The following PARD3B variants were observed in gnomAD, a reference collection of about 807,000 sequenced individuals.
The protein encoded by PARD3B is partitioning defective 3 homolog B.
In PARD3B, 103 loss-of-function variants were observed where a neutral mutation model predicts 130.2. The observed-to-expected ratio is 0.79, with a 90% CI of 0.67 to 0.93. The LOEUF (loss-of-function observed/expected upper bound fraction) is 0.93. Ranked by LOEUF, PARD3B falls within the 40% of genes least tolerant of loss-of-function variation. The probability of loss-of-function intolerance (pLI) is 0.00; values close to 1 mark genes in which losing one functional copy is unlikely to be tolerated. For synonymous variants in PARD3B, 583 were observed against 553.2 expected, an observed-to-expected ratio of 1.05 and a Z score of -0.76; for missense variants, 1,609 against 1,499.2, an observed-to-expected ratio of 1.07 and a Z score of -1.21.
intron 18 of PARD3B, among the ~76,000 whole-genome samples, chr2:205,385,156 C>T (rs1264652484): frequency 1.3e-5 from 2 of 151,934 alleles, no homozygotes; most frequent in Non-Finnish European, 2.9e-5. Context: ...CAGGAATCCA[C>T]AAAGCTTTGT....
chr2:204,844,828 T>C (rs1383045729), intron 2 of PARD3B, among the ~76,000 whole-genome samples: 2 of 152,164 alleles, frequency 1.3e-5, no homozygotes, highest in Non-Finnish European at 2.9e-5. Context: ...TTTGAAAATG[T>C]ATTAATAACT....
At chr2:204,861,346 T>A (rs2045196036) in intron 2 of PARD3B, among the ~76,000 whole-genome samples, 1 of 152,180 alleles carries the variant, frequency 6.6e-6, no homozygotes, top group Non-Finnish European at 1.5e-5. Context: ...TAATTTAACA[T>A]ATCAAGAATG....
rs940176745 is a variant in PARD3B, at chr2:205,590,779, C to G, written c.3261-24677C>G. Among the ~76,000 whole-genome samples, 1 of 152,160 alleles carries G rather than the reference C, an allele frequency of 6.6e-6. No individual in the cohort carries two copies. ...AGTAGAAGCTGTTGCCACATATTCACAAGAAGTAGGATGAGTACCAAATCC... is the reference window on the plus strand; with the variant it reads ...AGTAGAAGCTGTTGCCACATATTCAGAAGAAGTAGGATGAGTACCAAATCC... On this transcript the variant is annotated intron_variant, in intron 22 of 22. Coordinates refer to ENST00000406610, the MANE Select transcript of PARD3B (RefSeq NM_001302769.2). The surrounding 1 kb of genome is among the most constrained non-coding windows in gnomAD (Gnocchi z 4.1).
At chr2:205,260,027 G>A (rs1014962020) in intron 16 of PARD3B, among the ~76,000 whole-genome samples, 3 of 152,092 alleles carry the variant, frequency 2.0e-5, no homozygotes, top group Admixed American at 6.6e-5. Flanking sequence ...GAAAGCAAAG[G>A]TGTCACTATC....
At chr2:205,373,258 G>A (rs1351871366) in intron 18 of PARD3B, among the ~76,000 whole-genome samples, 1 of 152,140 alleles carries the variant, frequency 6.6e-6, no homozygotes, top group East Asian at 1.9e-4. Flanking sequence ...CATTTCAGAA[G>A]CAAGGAAAGG....
At chr2:205,413,049 A>C (rs763981681) in intron 19 of PARD3B, among the ~76,000 whole-genome samples, 2 of 152,232 alleles carry the variant, frequency 1.3e-5, no homozygotes, top group Non-Finnish European at 2.9e-5. Flanking sequence ...CTTTCTTTGA[A>C]AGAGAATGAA....
intron 2 of PARD3B, among the ~76,000 whole-genome samples, chr2:204,746,632 T>C (rs2040241758): frequency 6.6e-6 from 1 of 152,172 alleles, no homozygotes; most frequent in African/African-American, 2.4e-5. Context: ...CCACATCCTC[T>C]CCAGCACCTG....
chr2:205,153,906 T>C (rs2033933038), intron 10 of PARD3B, among the ~76,000 whole-genome samples: 1 of 152,184 alleles, frequency 6.6e-6, no homozygotes, highest in Non-Finnish European at 1.5e-5. Context: ...CAAGATGGAT[T>C]AAAGACTTAA....
chr2:205,090,938 G>A (rs560042806), intron 4 of PARD3B, among the ~76,000 whole-genome samples: 1 of 152,296 alleles, frequency 6.6e-6, no homozygotes, highest in Non-Finnish European at 1.5e-5. Context: ...CATTGCATAG[G>A]ATTTTGGCCC....
chr2:205,050,377 T>G (rs1308601061), intron 4 of PARD3B, among the ~76,000 whole-genome samples: 1 of 151,782 alleles, frequency 6.6e-6, no homozygotes, highest in East Asian at 1.9e-4. Context: ...GGTGTGTTTA[T>G]TTTTACTAGA....
rs544918389 is a variant in PARD3B, at chr2:205,215,277, T to C, written c.2140+21957T>C. On this transcript the variant is annotated intron_variant, in intron 15 of 22. Coordinates refer to ENST00000406610, the MANE Select transcript of PARD3B (RefSeq NM_001302769.2). ...AAGAGTTCACTTTGGATTACATTGT[T>C]CTTTTTTTTTTTTAATTCAGCAACA... Among the ~76,000 whole-genome samples, 5 of 151,874 alleles carry C rather than the reference T, an allele frequency of 3.3e-5. No individual in the cohort carries two copies. The East Asian group carries it at 9.7e-4, about 29-fold the overall frequency.
chr2:204,746,739 G>A (rs917330369), intron 2 of PARD3B, among the ~76,000 whole-genome samples: 2 of 152,108 alleles, frequency 1.3e-5, no homozygotes, highest in African/African-American at 4.8e-5. Context: ...CAGTGATGAC[G>A]AGCGTTTTTT....
intron 1 of PARD3B, among the ~76,000 whole-genome samples, chr2:204,556,723 C>T (rs1316906334): frequency 2.0e-5 from 3 of 152,002 alleles, no homozygotes; most frequent in South Asian, 2.1e-4. Context: ...CATTTTGTTA[C>T]GAATATACTC....
chr2:205,125,561 G>A lies in PARD3B; in HGVS notation c.1306-48G>A. 6.3e-7 allele frequency: 1 copy of A among 1,595,584 alleles called. No individual in the cohort carries two copies. Among genetic ancestry groups the A allele is most frequent in the South Asian group, 1.1e-5 (1 of 89,082 alleles). On this transcript the variant is annotated intron_variant, in intron 9 of 22. Coordinates refer to ENST00000406610, the MANE Select transcript of PARD3B (RefSeq NM_001302769.2). This position sits in a 1 kb window ranked among gnomAD's most constrained non-coding sequence, Gnocchi z 4.0. ...TCAAAAACTATCTAGTGTAGAAGGA[G>A]ATAACAAGTATTGTGATTGTGGCTG...
intron 3 of PARD3B, among the ~76,000 whole-genome samples, chr2:204,982,505 T>G (rs1316478297): frequency 1.3e-5 from 2 of 152,204 alleles, no homozygotes; most frequent in Non-Finnish European, 2.9e-5. Flanking sequence ...CAGTTCACAC[T>G]GATTCTGATA....
intron 4 of PARD3B, among the ~76,000 whole-genome samples, chr2:205,053,016 G>T (rs1699340544): frequency 6.6e-6 from 1 of 152,038 alleles, no homozygotes; most frequent in South Asian, 2.1e-4. Context: ...TGGGGCTTTT[G>T]GTATGTTATC....
chr2:204,637,242 A>G (rs985454244), intron 1 of PARD3B, among the ~76,000 whole-genome samples: 2 of 152,162 alleles, frequency 1.3e-5, no homozygotes, highest in Non-Finnish European at 2.9e-5. Flanking sequence ...AAAATTTAAT[A>G]TTTTATACTC....
intron 3 of PARD3B, among the ~76,000 whole-genome samples, chr2:205,042,443 C>T (rs1207227878): frequency 6.6e-6 from 1 of 152,076 alleles, no homozygotes; most frequent in Non-Finnish European, 1.5e-5. Context: ...TGGTATAAGT[C>T]CTGAATGTCA....
intron 14 of PARD3B, among the ~76,000 whole-genome samples, chr2:205,192,717 A>G (rs1055005798): frequency 2.0e-5 from 3 of 152,210 alleles, no homozygotes; most frequent in Non-Finnish European, 4.4e-5. Flanking sequence ...AAAAAGACCT[A>G]AATAAAGTAG....
Sources: allele counts gnomAD v4.1 joint callset (sites outside exome capture counted in the v4.1 genomes callset), GRCh38; gene constraint gnomAD v4.1.1; non-coding constraint Gnocchi (gnomAD v3.1); transcripts MANE v1.5; gene names NCBI Gene and HGNC (gene_info 2026-07-23, HGNC 2026-07-21).